The following LSM3 variants were observed in gnomAD, a reference collection of about 807,000 sequenced individuals.
LSM3 encodes the protein U6 snRNA-associated Sm-like protein LSm3.
Under a neutral mutation model 15.4 loss-of-function variants are expected in LSM3, and 14 were observed. That is an observed-to-expected ratio of 0.91 (90% CI 0.60 to 1.42). The LOEUF (loss-of-function observed/expected upper bound fraction) is 1.42, where lower values mean the gene tolerates loss of function less well. Among genes scored for constraint, LSM3 ranks in the 40% most tolerant of loss-of-function variants. LSM3 has a pLI of 0.00. For synonymous variants in LSM3, 46 were observed against 45.1 expected, an observed-to-expected ratio of 1.02 and a Z score of -0.08; for missense variants, 88 against 127.9, an observed-to-expected ratio of 0.69 and a Z score of 1.50.
chr3:14,185,374 A>AAC (rs1158301655), intron 3 of LSM3, among the ~76,000 whole-genome samples: 1 of 151,560 alleles, frequency 6.6e-6, no homozygotes. Context: ...AACAAAACAA[A>AAC]AAAAAACCTA....
intron 3 of LSM3, among the ~76,000 whole-genome samples, chr3:14,185,963 G>C (rs1429380669): frequency 6.6e-6 from 1 of 151,998 alleles, no homozygotes; most frequent in Non-Finnish European, 1.5e-5. Context: ...ACCCAGGCTG[G>C]AGTGCAATGT....
At chr3:14,184,919 T>G (rs1202003884) in intron 3 of LSM3, among the ~76,000 whole-genome samples, 2 of 151,462 alleles carry the variant, frequency 1.3e-5, no homozygotes, top group Non-Finnish European at 2.9e-5. Flanking sequence ...TAGCTGGGTG[T>G]GGTGGCATAT....
rs146988233 is a variant in LSM3, at chr3:14,189,198, A to G, written c.228+5166A>G. Among the ~76,000 whole-genome samples, 861 of 152,326 alleles carry G rather than the reference A, an allele frequency of 5.7e-3. 7 individuals carry two copies. Among genetic ancestry groups the G allele is most frequent in the African/African-American group, 0.02 (825 of 41,554 alleles). On this transcript the variant is annotated intron_variant, in intron 3 of 3. Coordinates refer to ENST00000306024, the MANE Select transcript of LSM3 (RefSeq NM_014463.3). ...GTGCCACATTGTCTTAATCCAGTCT[A>G]TCATTGATGCACATTTGGGTTGGTT...
intron 3 of LSM3, among the ~76,000 whole-genome samples, chr3:14,195,751 G>A (rs1339669381): frequency 1.3e-5 from 2 of 152,132 alleles, no homozygotes; most frequent in Non-Finnish European, 2.9e-5. Flanking sequence ...AACGATACTG[G>A]TTCTGGTGTG....
intron 3 of LSM3, among the ~76,000 whole-genome samples, chr3:14,192,501 C>T (rs922314723): frequency 2.0e-5 from 3 of 152,186 alleles, no homozygotes; most frequent in Admixed American, 6.5e-5. Flanking sequence ...ATAGTTAGCT[C>T]TTCTTGCTGC....
intron 1 of LSM3, among the ~76,000 whole-genome samples, chr3:14,180,328 G>T (rs200576706): frequency 6.6e-6 from 1 of 150,476 alleles, no homozygotes; most frequent in Non-Finnish European, 1.5e-5. Context: ...TCACTCTATC[G>T]CCCAGGCTGG....
At chr3:14,179,795 TTAAAGC>T (rs1697001163) in intron 1 of LSM3, among the ~76,000 whole-genome samples, 1 of 152,182 alleles carries the variant, frequency 6.6e-6, no homozygotes, top group Non-Finnish European at 1.5e-5. Flanking sequence ...AAGCCAATAT[TTAAAGC>T]TACAGGATGA....
At chr3:14,180,820 C>CT (rs1436714313) in intron 1 of LSM3, among the ~76,000 whole-genome samples, 1,028 of 51,356 alleles carry the variant, frequency 0.02, 137 homozygotes, top group Middle Eastern at 0.033. Context: ...TGCTTGCTTG[C>CT]CTTTTTTTTT....
rs60367109 is a variant in LSM3 at position 14,186,250 on chromosome 3, G to A, written c.228+2218G>A. On this transcript the variant is annotated intron_variant, in intron 3 of 3. Coordinates refer to ENST00000306024, the MANE Select transcript of LSM3 (RefSeq NM_014463.3). The stretch of plus-strand genomic sequence containing the variant: ...TTTCTGACCCTGCCAGGGCATAGTG[G>A]TTAAAATGTGGGCTCAGAGTACAAG... Among the ~76,000 whole-genome samples the A allele has an allele frequency of 2.9e-3, 439 of 152,358 alleles. 4 individuals are homozygous for A. The highest frequency in any genetic ancestry group is 1.0e-2 in the African/African-American group (415 of 41,588).
chr3:14,199,493 G>A lies in LSM3; in HGVS notation c.*1377G>A, dbSNP rs945203079. 1 of 152,184 alleles carries A rather than the reference G, an allele frequency of 6.6e-6. No individual in the cohort carries two copies. Among genetic ancestry groups the A allele is most frequent in the African/African-American group, 2.4e-5 (1 of 41,440 alleles). 9.4% of individuals were successfully genotyped at this position (152,184 alleles called of 1,614,324 possible). On this transcript the variant is annotated 3_prime_UTR_variant, in exon 4 of 4. Coordinates refer to ENST00000306024, the MANE Select transcript of LSM3 (RefSeq NM_014463.3). ...ACAAATGCACAGTACTTTAAGCCTT[G>A]TGCAAGAAAGATGCTTTCAGTAAAC... is the stretch of plus-strand genomic sequence containing the variant.
intron 1 of LSM3, among the ~76,000 whole-genome samples, chr3:14,180,734 A>G (rs1458490198): frequency 1.3e-5 from 2 of 149,162 alleles, no homozygotes; most frequent in East Asian, 2.1e-4. Flanking sequence ...TACAGATGGC[A>G]TGATTTTTAA....
chr3:14,198,923 T>C lies in LSM3; in HGVS notation c.*807T>C, dbSNP rs138506791. ...GGGAGGCAGATGTTTAAACCAACAA[T>C]TGCAGGCAGTAAGATTAGTGCTGAT... On this transcript the variant is annotated 3_prime_UTR_variant, in exon 4 of 4. Coordinates refer to ENST00000306024, the MANE Select transcript of LSM3 (RefSeq NM_014463.3). The C allele has an allele frequency of 6.6e-6, 1 of 151,374 alleles. No homozygotes were observed. The highest frequency in any genetic ancestry group is 1.9e-4 in the East Asian group (1 of 5,156). The allele number at this position is 151,374 out of a possible 1,614,324, so 9.4% of individuals were successfully genotyped here.
intron 3 of LSM3, among the ~76,000 whole-genome samples, chr3:14,192,413 T>A (rs904520466): frequency 5.3e-5 from 8 of 152,206 alleles, no homozygotes; most frequent in Non-Finnish European, 1.2e-4. Flanking sequence ...TGTGTGGGAG[T>A]CTAAGTCTCT....
Position 14,179,039 on chromosome 3 carries a change from G to T in LSM3, c.21+158G>T, listed in dbSNP as rs371061776. 7.0e-4 allele frequency among the ~76,000 whole-genome samples: 107 copies of T among 152,238 alleles called. 1 individual carries two copies. In the South Asian group the frequency reaches 0.02, roughly 29 times the overall value. ...AACCCCCCCTCCGAATTTTGCCGTAGGCCCTGAGACCTTTTCCTGTTAGAA... is the reference window on the plus strand; with the variant it reads ...AACCCCCCCTCCGAATTTTGCCGTATGCCCTGAGACCTTTTCCTGTTAGAA... On this transcript the variant is annotated intron_variant, in intron 1 of 3. Transcript: ENST00000306024.
At chr3:14,184,744 G>A (rs1280256771) in intron 3 of LSM3, among the ~76,000 whole-genome samples, 1 of 140,322 alleles carries the variant, frequency 7.1e-6, no homozygotes, top group Admixed American at 7.3e-5. Context: ...GCGACAGAGC[G>A]AGACTCCGTC....
intron 2 of LSM3, among the ~76,000 whole-genome samples, chr3:14,182,191 C>G (rs1559390589): frequency 6.6e-6 from 1 of 152,138 alleles, no homozygotes; most frequent in East Asian, 1.9e-4. Flanking sequence ...GAGACCCTGT[C>G]TCTACAAAAA....
At chr3:14,191,974 C>A (rs1329414381) in intron 3 of LSM3, among the ~76,000 whole-genome samples, 7 of 152,078 alleles carry the variant, frequency 4.6e-5, no homozygotes, top group African/African-American at 1.2e-4. Context: ...GATTCTGGTA[C>A]GTTGTGTCTT....
intron 1 of LSM3, 138 bp downstream of exon 1, chr3:14,179,019 C>G (rs1261688195): frequency 5.4e-6 from 5 of 926,062 alleles, no homozygotes; most frequent in Non-Finnish European, 5.0e-6. Flanking sequence ...TCCGTAACCC[C>G]CCCTCCGAAT....
chr3:14,196,394 C>T (rs773513340), intron 3 of LSM3, among the ~76,000 whole-genome samples: 4 of 152,146 alleles, frequency 2.6e-5, no homozygotes, highest in Admixed American at 6.5e-5. Context: ...AGGACTGCCA[C>T]GTGACTTTCG....
Sources: allele counts gnomAD v4.1 joint callset (sites outside exome capture counted in the v4.1 genomes callset), GRCh38; gene constraint gnomAD v4.1.1; transcripts MANE v1.5; gene names NCBI Gene and HGNC (gene_info 2026-07-23, HGNC 2026-07-21).